NPHP4: variants seen among roughly 807,000 people sequenced by gnomAD.
NPHP4 encodes the protein nephrocystin-4.
A neutral mutation model predicts 155.8 loss-of-function variants in NPHP4; 151 were observed. The ratio of observed to expected loss-of-function variants is 0.97; its 90% CI spans 0.85 to 1.11. The LOEUF (loss-of-function observed/expected upper bound fraction) is 1.11. Among genes scored for constraint, NPHP4 ranks in the 50% least tolerant of loss-of-function variants. The pLI, the probability that NPHP4 is intolerant of heterozygous loss-of-function variation, is 0.00. For missense variants in NPHP4, 1,956 were observed against 1,925.7 expected (o/e 1.02, Z -0.29); for synonymous variants, 845 against 816.8 (o/e 1.03, Z -0.59).
chr1:5,876,310 G>C (rs1354443523), intron 20 of NPHP4: 1 of 152,352 alleles, frequency 6.6e-6, no homozygotes, highest in Non-Finnish European at 1.5e-5. Flanking sequence ...GCCCTGCCCT[G>C]GCCTCCCTCT....
intron 20 of NPHP4, chr1:5,875,938 G>A (rs1199721919): frequency 6.6e-6 from 1 of 152,290 alleles, no homozygotes; most frequent in Non-Finnish European, 1.5e-5. Flanking sequence ...TGGCTTAAAT[G>A]ACTTTGGACA....
intron 3 of NPHP4, among the ~76,000 whole-genome samples, chr1:5,969,628 GCAGGGGGA>G (rs1652199243): frequency 6.6e-6 from 1 of 152,162 alleles, no homozygotes. Context: ...ACCCAACCCT[GCAGGGGGA>G]CACACCAGGT....
chr1:5,972,354 G>C (rs1192633036), intron 3 of NPHP4, among the ~76,000 whole-genome samples: 2 of 10,852 alleles, frequency 1.8e-4, no homozygotes, highest in Non-Finnish European at 3.7e-4. Flanking sequence ...CAGGGATCGG[G>C]GGAGCCCAGA....
chr1:5,931,768 T>TA (rs944089936), intron 10 of NPHP4, among the ~76,000 whole-genome samples: 4 of 136,898 alleles, frequency 2.9e-5, no homozygotes, highest in Non-Finnish European at 4.7e-5. Context: ...ACTTTCTTGC[T>TA]AAAAAAATGC....
At chr1:5,888,984 T>C (rs1643968494) in intron 17 of NPHP4, among the ~76,000 whole-genome samples, 2 of 152,194 alleles carry the variant, frequency 1.3e-5, no homozygotes. Context: ...AGTGTGACCC[T>C]GGGCCTCTGT....
At chr1:5,907,919 G>A (rs878955514) in intron 12 of NPHP4, among the ~76,000 whole-genome samples, 1 of 152,242 alleles carries the variant, frequency 6.6e-6, no homozygotes, top group Admixed American at 6.5e-5. Context: ...ATTTGGAAAT[G>A]AGTGCGGCTT....
chr1:5,915,755 G>C (rs1166752618), intron 11 of NPHP4, among the ~76,000 whole-genome samples: 1 of 152,158 alleles, frequency 6.6e-6, no homozygotes, highest in East Asian at 1.9e-4. Flanking sequence ...CCTTGTCAAA[G>C]CCTTGCTCTG....
At chr1:5,955,850 T>C (rs996970816) in intron 6 of NPHP4, among the ~76,000 whole-genome samples, 2 of 151,992 alleles carry the variant, frequency 1.3e-5, no homozygotes, top group African/African-American at 4.8e-5. Flanking sequence ...TCCCGTAAAA[T>C]ACAAAAGAGC....
intron 16 of NPHP4, among the ~76,000 whole-genome samples, chr1:5,894,690 A>G (rs182040568): frequency 1.1e-4 from 16 of 152,314 alleles, no homozygotes; most frequent in African/African-American, 3.4e-4. Context: ...GCAGCTCAAA[A>G]AAAAAATAGG....
intron 22 of NPHP4, chr1:5,873,673 C>T: frequency 7.3e-6 from 3 of 410,852 alleles, no homozygotes; most frequent in South Asian, 5.4e-5. Flanking sequence ...AAGCGATGAC[C>T]ACCACCCTAG....
At chr1:5,875,418 CA>C (rs1161849177) in intron 20 of NPHP4, among the ~76,000 whole-genome samples, 1 of 152,184 alleles carries the variant, frequency 6.6e-6, no homozygotes, top group East Asian at 1.9e-4. Context: ...TCAGAAGTTT[CA>C]AACAAGAGAA....
At position 5,905,761 on chromosome 1, in the gene NPHP4, C is replaced by G; in HGVS notation, c.1634G>C (p.Gly545Ala). The G allele has an allele frequency of 1.9e-6, 3 of 1,610,724 alleles. No homozygotes were observed. The Admixed American group carries it at 5.0e-5, about 27-fold the overall frequency. Residue 545 changes from glycine (G) to alanine (A), a missense_variant, in exon 14 of 30, where the codon GGT becomes GCT. Gly to Ala is a moderately conservative substitution (Grantham distance 60). Transcript: ENST00000378156. The surrounding 1 kb of genome is among the most constrained non-coding windows in gnomAD (Gnocchi z 4.0). ...AQAQEFPLEA[G>A]ISHLEADLSQ... Reference sequence around the variant, plus strand: ...CAGGTCGGCTTCCAGGTGGGAGATACCGGCCTCCAACGGGAACTCCTGCTG... The same window carrying G: ...CAGGTCGGCTTCCAGGTGGGAGATAGCGGCCTCCAACGGGAACTCCTGCTG...
intron 11 of NPHP4, among the ~76,000 whole-genome samples, chr1:5,911,018 G>A (rs1224251484): frequency 3.3e-5 from 5 of 152,234 alleles, no homozygotes; most frequent in Admixed American, 6.5e-5. Context: ...CCACAGTAAC[G>A]TGGCTCCAAG....
chr1:5,865,555 T>G, intron 26 of NPHP4: 3 of 372,952 alleles, frequency 8.0e-6, no homozygotes. Flanking sequence ...AGGAACCACA[T>G]GTCAAACAAA....
chr1:5,919,533 C>T (rs910600816), intron 11 of NPHP4, among the ~76,000 whole-genome samples: 44 of 152,164 alleles, frequency 2.9e-4, no homozygotes, highest in African/African-American at 9.7e-4. Context: ...ACAGACTCTC[C>T]GCAAGTCTTT....
In NPHP4 at chr1:5,927,875, C is replaced by A. The variant is rs917866775; in HGVS notation, c.1303-88G>T. ...CCAACCAGGAACAGCAGGCTCTGCC[C>A]TAAAACAAAGTCTACGTGAAATCAG... On this transcript the variant is annotated intron_variant, in intron 10 of 29. Coordinates refer to ENST00000378156, the MANE Select transcript of NPHP4 (RefSeq NM_015102.5). The A allele has an allele frequency of 8.6e-6, 12 of 1,399,200 alleles. No individual in the cohort carries two copies. The African/African-American group carries it at 1.4e-4, about 17-fold the overall frequency. 86.7% of individuals were successfully genotyped at this position (1,399,200 alleles called of 1,614,324 possible).
At chr1:5,865,372 G>A in intron 26 of NPHP4, 99 bp from the exon 27 acceptor site, 1 of 1,132,608 alleles carries the variant, frequency 8.8e-7, no homozygotes, top group Non-Finnish European at 1.2e-6. Flanking sequence ...CAGACAGGAG[G>A]CTGTGCAGGG....
intron 6 of NPHP4, among the ~76,000 whole-genome samples, chr1:5,961,282 C>T (rs1444637863): frequency 6.6e-6 from 1 of 152,020 alleles, no homozygotes; most frequent in African/African-American, 2.4e-5. Context: ...TGGAAGGGGA[C>T]GGAGCTTCAG....
At chr1:5,931,717 G>C (rs1335303189) in intron 10 of NPHP4, among the ~76,000 whole-genome samples, 1 of 118,652 alleles carries the variant, frequency 8.4e-6, no homozygotes, top group East Asian at 2.7e-4. Context: ...CTGGGTTACA[G>C]AGCAGGACTT....
Sources: gnomAD v4.1 joint callset for allele counts (sites outside exome capture counted in the v4.1 genomes callset) on GRCh38, gnomAD v4.1.1 for gene constraint, Gnocchi (gnomAD v3.1) non-coding constraint, MANE v1.5 for transcripts, NCBI Gene and HGNC (gene_info 2026-07-23, HGNC 2026-07-21) for gene names.